The following CNTN6 variants were observed in gnomAD, a reference collection of about 807,000 sequenced individuals.
The protein encoded by CNTN6 is contactin 6, also known as contactin-6.
In CNTN6, 137 loss-of-function variants were observed where a neutral mutation model predicts 122.8. That is an observed-to-expected ratio of 1.12 (90% CI 0.97 to 1.29). The LOEUF is 1.29. CNTN6 is among the 50% of genes most tolerant of loss of function. CNTN6 has a pLI of 0.00. For synonymous variants in CNTN6, 570 were observed against 426.0 expected (o/e 1.34, Z -4.16); for missense variants, 1,634 against 1,223.4 (o/e 1.34, Z -5.01).
chr3:1,174,447 C>G (rs2093413177), intron 2 of CNTN6, among the ~76,000 whole-genome samples: 1 of 152,164 alleles, frequency 6.6e-6, no homozygotes, highest in Non-Finnish European at 1.5e-5. Context: ...TTAGCAGCAT[C>G]TCATGGAACT....
intron 1 of CNTN6, among the ~76,000 whole-genome samples, chr3:1,142,964 GTGTGTATATATATATA>G (rs1350666513): frequency 3.1e-5 from 3 of 97,188 alleles, no homozygotes; most frequent in African/African-American, 4.8e-5. Flanking sequence ...TTGTGTGTGT[GTGTGTATATATATATA>G]TATATATATA....
chr3:1,144,537 T>G (rs1031501283), intron 1 of CNTN6, among the ~76,000 whole-genome samples: 5 of 151,810 alleles, frequency 3.3e-5, no homozygotes, highest in Non-Finnish European at 5.9e-5. Context: ...ATCGTGCCAT[T>G]GTACTCCAGC....
At chr3:1,225,650 G>A (rs1211559046) in intron 3 of CNTN6, among the ~76,000 whole-genome samples, 2 of 151,184 alleles carry the variant, frequency 1.3e-5, no homozygotes, top group East Asian at 1.9e-4. Context: ...GAATATTGGT[G>A]TCTTGAGACA....
chr3:1,398,130 C>T (rs2126252409), intron 20 of CNTN6, among the ~76,000 whole-genome samples: 1 of 152,234 alleles, frequency 6.6e-6, no homozygotes, highest in East Asian at 1.9e-4. Context: ...AATATCATGA[C>T]ATGTGTTTTG....
intron 2 of CNTN6, among the ~76,000 whole-genome samples, chr3:1,206,672 C>G (rs2093962002): frequency 6.6e-6 from 1 of 152,110 alleles, no homozygotes; most frequent in Non-Finnish European, 1.5e-5. Context: ...AATTCACTGT[C>G]TTCAATTCCT....
intron 17 of CNTN6, among the ~76,000 whole-genome samples, chr3:1,381,555 C>G (rs1019757941): frequency 5.1e-4 from 78 of 152,230 alleles, no homozygotes; most frequent in African/African-American, 1.8e-3. Flanking sequence ...GCTCTGGGCA[C>G]TCGGGCACAG....
At chr3:1,211,903 G>GA (rs2094043892) in intron 2 of CNTN6, among the ~76,000 whole-genome samples, 1 of 152,122 alleles carries the variant, frequency 6.6e-6, no homozygotes, top group Non-Finnish European at 1.5e-5. Context: ...GCCTAAAGCA[G>GA]ATTGAACATG....
rs75059082 is a variant in CNTN6, at chr3:1,383,607, C to T, written c.2517+199C>T. ...TAGCCTGGGATGTTTCTTGTCCTCG[C>T]TCAAGACAGAATTCGAGAGTGAGCC... On this transcript the variant is annotated intron_variant, in intron 19 of 22. Coordinates refer to ENST00000446702, the MANE Select transcript of CNTN6 (RefSeq NM_001289080.2). Among the ~76,000 whole-genome samples, 1,231 of 152,104 alleles carry T rather than the reference C, an allele frequency of 8.1e-3. 10 individuals are homozygous for T. The highest frequency in any genetic ancestry group is 0.043 in the East Asian group (220 of 5,174).
Position 1,322,322 on chromosome 3 carries a change from TTA to T in CNTN6, c.946+490_946+491del, listed in dbSNP as rs1700970873. On this transcript the variant is annotated intron_variant, in intron 8 of 22. Coordinates refer to ENST00000446702, the MANE Select transcript of CNTN6 (RefSeq NM_001289080.2). ...AAGAAGGCAATTACATTATTTAAAA[TTA>T]TGTTTGTCTCAGTTACAAAAATCTC... Among the ~76,000 whole-genome samples the T allele has an allele frequency of 2.0e-5, 3 of 151,732 alleles. No homozygotes were observed. In the South Asian group the frequency reaches 6.2e-4, roughly 31 times the overall value.
intron 2 of CNTN6, among the ~76,000 whole-genome samples, chr3:1,152,764 T>A (rs1046239921): frequency 3.3e-5 from 5 of 152,228 alleles, no homozygotes; most frequent in African/African-American, 1.2e-4. Context: ...GATAATAGGT[T>A]GAATCGTGTG....
chr3:1,121,349 A>G (rs1202382034), intron 1 of CNTN6, among the ~76,000 whole-genome samples: 1 of 151,966 alleles, frequency 6.6e-6, no homozygotes, highest in East Asian at 1.9e-4. Flanking sequence ...AAAAAAGCAC[A>G]GAAACATCAG....
In CNTN6 at chr3:1,236,140, G is replaced by A. The variant is rs545133090; in HGVS notation, c.358+8147G>A. On this transcript the variant is annotated intron_variant, in intron 4 of 22. Transcript: ENST00000446702. ...TGGTCTTTCTCTATGTGTCCTGGTAGCCAAAGACAAAAGTCATAATGTCTT... is the reference window on the plus strand; with the variant it reads ...TGGTCTTTCTCTATGTGTCCTGGTAACCAAAGACAAAAGTCATAATGTCTT... Among the ~76,000 whole-genome samples the A allele has an allele frequency of 2.6e-5, 4 of 152,100 alleles. No homozygotes were observed. The East Asian group carries it at 7.8e-4, about 29-fold the overall frequency.
At position 1,377,032 on chromosome 3, in the gene CNTN6, A is replaced by G. The variant is rs1228459207; in HGVS notation, c.2123A>G (p.His708Arg). 4.4e-6 allele frequency: 7 copies of G among 1,607,320 alleles called. No homozygotes were observed. The highest frequency in any genetic ancestry group is 4.3e-6 in the Non-Finnish European group (5 of 1,176,462). Residue 708 changes from histidine (H) to arginine (R), a missense_variant, in exon 17 of 23, where the codon CAT becomes CGT. Physicochemically the swap from His to Arg is conservative, Grantham distance 29 (BLOSUM62 0). Coordinates refer to ENST00000446702, the MANE Select transcript of CNTN6 (RefSeq NM_001289080.2). ...CCTGTTGTGGCACCAGTAAACATCC[A>G]TGGAGGTGGAGGAAGTCGGTCTGAA... ...SVPVVAPVNI[H>R]GGGGSRSELV...
At chr3:1,283,048 CTG>C (rs1693740600) in intron 5 of CNTN6, among the ~76,000 whole-genome samples, 1 of 152,138 alleles carries the variant, frequency 6.6e-6, no homozygotes, top group African/African-American at 2.4e-5. Context: ...TATTGGCTCA[CTG>C]CAATCTCCAC....
chr3:1,181,614 G>A (rs1038005716), intron 2 of CNTN6, among the ~76,000 whole-genome samples: 1 of 152,128 alleles, frequency 6.6e-6, no homozygotes, highest in African/African-American at 2.4e-5. Flanking sequence ...GTGTGTATGT[G>A]TGTCTCCAGG....
At chr3:1,279,758 T>G (rs1333558977) in intron 5 of CNTN6, among the ~76,000 whole-genome samples, 1 of 152,250 alleles carries the variant, frequency 6.6e-6, no homozygotes, top group Non-Finnish European at 1.5e-5. Flanking sequence ...ATCTTATTTA[T>G]GAGCCTTGAG....
chr3:1,242,689 C>A (rs1165926462), intron 4 of CNTN6, among the ~76,000 whole-genome samples: 1 of 152,006 alleles, frequency 6.6e-6, no homozygotes, highest in Non-Finnish European at 1.5e-5. Flanking sequence ...GCGAAGGAGG[C>A]TTTGGGTTGG....
intron 2 of CNTN6, among the ~76,000 whole-genome samples, chr3:1,173,644 A>G (rs768814555): frequency 3.6e-4 from 55 of 152,166 alleles, no homozygotes; most frequent in Non-Finnish European, 5.9e-4. Context: ...CTGATCCACA[A>G]TATTATTGTC....
chr3:1,093,836 T>C (rs762334714), intron 1 of CNTN6, among the ~76,000 whole-genome samples: 7 of 152,220 alleles, frequency 4.6e-5, no homozygotes, highest in Non-Finnish European at 8.8e-5. Context: ...GCTCTGAGAT[T>C]AGCCACGTAT....
Sources: allele counts gnomAD v4.1 joint callset (sites outside exome capture counted in the v4.1 genomes callset), GRCh38; gene constraint gnomAD v4.1.1; transcripts MANE v1.5; gene names NCBI Gene and HGNC (gene_info 2026-07-23, HGNC 2026-07-21).